The following USP6NL variants were observed in gnomAD, a reference collection of about 807,000 sequenced individuals.
The protein encoded by USP6NL is USP6 N-terminal like.
In USP6NL, 26 loss-of-function variants were observed where a neutral mutation model predicts 61.9. The ratio of observed to expected loss-of-function variants is 0.42; its 90% confidence interval spans 0.31 to 0.58. The LOEUF is 0.58. USP6NL is among the 20% of genes least tolerant of loss of function. The pLI is 0.16. For synonymous variants in USP6NL, 432 were observed against 390.1 expected, an observed-to-expected ratio of 1.11 and a Z score of -1.27; for missense variants, 1,114 against 1,034.3, an observed-to-expected ratio of 1.08 and a Z score of -1.06.
chr10:11,470,682 C>T lies in USP6NL; in HGVS notation c.1079-6833G>A, dbSNP rs1413245824. ...CTCTACTTGTCTTTGGTTTAAATATCTCCTTTCACCCCTAAGCAACTAACT... is the reference window on the plus strand; with the variant it reads ...CTCTACTTGTCTTTGGTTTAAATATTTCCTTTCACCCCTAAGCAACTAACT... On this transcript the variant is annotated intron_variant, in intron 14 of 14. Transcript: ENST00000609104. This position sits in a 1 kb window ranked among gnomAD's most constrained non-coding sequence, Gnocchi z 5.4. 6.6e-6 allele frequency among the ~76,000 whole-genome samples: 1 copy of T among 152,204 alleles called. No homozygotes were observed. Among genetic ancestry groups the T allele is most frequent in the Non-Finnish European group, 1.5e-5 (1 of 68,040 alleles).
At chr10:11,609,783 C>G (rs1434874234) in intron 1 of USP6NL, among the ~76,000 whole-genome samples, 1 of 152,212 alleles carries the variant, frequency 6.6e-6, no homozygotes, top group African/African-American at 2.4e-5. Context: ...GAGTAGTTCT[C>G]TTGGTTCCCT....
rs1180199670 is a variant in USP6NL, at chr10:11,540,203, G to C, written c.5-12636C>G. ...CATTACATGAAATTGTCAATTATTT[G>C]TGCAAAATGGAGATGAATGGTATTC... On this transcript the variant is annotated intron_variant, in intron 2 of 14. Transcript: ENST00000609104. This position sits in a 1 kb window ranked among gnomAD's most constrained non-coding sequence, Gnocchi z 5.0. Among the ~76,000 whole-genome samples, 1 of 152,120 alleles carries C rather than the reference G, an allele frequency of 6.6e-6. No individual in the cohort carries two copies. The highest frequency in any genetic ancestry group is 1.9e-4 in the East Asian group (1 of 5,202).
chr10:11,518,924 A>AC lies in USP6NL; in HGVS notation c.156-351dup, dbSNP rs1835085152. Among the ~76,000 whole-genome samples, 1 of 152,276 alleles carries AC rather than the reference A, an allele frequency of 6.6e-6. No homozygotes were observed. Among genetic ancestry groups the AC allele is most frequent in the Non-Finnish European group, 1.5e-5 (1 of 68,054 alleles). ...GCTAGAAGCCACCATATTGAACGGT[A>AC]CAGATATAGAACATTTCCATCACTG... is the stretch of plus-strand genomic sequence containing the variant. On this transcript the variant is annotated intron_variant, in intron 4 of 14. Transcript: ENST00000609104. This position sits in a 1 kb window ranked among gnomAD's most constrained non-coding sequence, Gnocchi z 5.3.
chr10:11,525,520 ATT>A lies in USP6NL; in HGVS notation c.73-54_73-53del. ...TAATCAGAGTTTATAAAACTGAATA[ATT>A]TTTTAAAATAAAAGGACGAAGAAAT... On this transcript the variant is annotated intron_variant, in intron 3 of 14. Transcript: ENST00000609104. This position sits in a 1 kb window ranked among gnomAD's most constrained non-coding sequence, Gnocchi z 5.0. 1 of 1,431,088 alleles carries A rather than the reference ATT, an allele frequency of 7.0e-7. No individual in the cohort carries two copies. Among genetic ancestry groups the A allele is most frequent in the Non-Finnish European group, 9.4e-7 (1 of 1,067,178 alleles). 88.6% of individuals were successfully genotyped at this position (1,431,088 alleles called of 1,614,324 possible).
chr10:11,555,433 A>AAAAAAAAAAT (rs1275798295), intron 2 of USP6NL, among the ~76,000 whole-genome samples: 9 of 49,020 alleles, frequency 1.8e-4, no homozygotes, highest in African/African-American at 5.6e-4. Flanking sequence ...AAAAAAAAAA[A>AAAAAAAAAAT]ATATATATAT....
chr10:11,555,116 T>G lies in USP6NL; in HGVS notation c.5-27549A>C, dbSNP rs1253093322. On this transcript the variant is annotated intron_variant, in intron 2 of 14. Transcript: ENST00000609104. ...TGTTTTTTTTTTTTTTTGGTTTTTT[T>G]TTTTAAGAATCCTATGAGGCCAGGT... Among the ~76,000 whole-genome samples the G allele has an allele frequency of 3.4e-5, 5 of 148,308 alleles. No individual in the cohort carries two copies. The East Asian group carries it at 6.1e-4, about 18-fold the overall frequency.
chr10:11,585,627 C>A lies in USP6NL; in HGVS notation c.4+12004G>T, dbSNP rs1399617761. Among the ~76,000 whole-genome samples, 1 of 152,078 alleles carries A rather than the reference C, an allele frequency of 6.6e-6. No homozygotes were observed. Among genetic ancestry groups the A allele is most frequent in the East Asian group, 1.9e-4 (1 of 5,192 alleles). Reference sequence around the variant, plus strand: ...CAGTGAGCCGTGATCAAGGACACTGCACTCCAGCCTGGGAAACAGAGTGAG... The same window carrying A: ...CAGTGAGCCGTGATCAAGGACACTGAACTCCAGCCTGGGAAACAGAGTGAG... On this transcript the variant is annotated intron_variant, in intron 2 of 14. Coordinates refer to ENST00000609104, the MANE Select transcript of USP6NL (RefSeq NM_014688.5). This position sits in a 1 kb window ranked among gnomAD's most constrained non-coding sequence, Gnocchi z 4.5.
chr10:11,508,874 T>C (rs539659385), intron 6 of USP6NL, among the ~76,000 whole-genome samples: 7 of 152,186 alleles, frequency 4.6e-5, no homozygotes, highest in Non-Finnish European at 1.0e-4. Flanking sequence ...ATCTCAAAAA[T>C]ATCTTAAATG....
At chr10:11,547,306 C>T (rs568169039) in intron 2 of USP6NL, among the ~76,000 whole-genome samples, 5 of 152,318 alleles carry the variant, frequency 3.3e-5, no homozygotes, top group South Asian at 2.1e-4. Flanking sequence ...TCAAACAACC[C>T]TATGGTGTAG....
In USP6NL at chr10:11,585,099, T is replaced by C. The variant is rs1837918292; in HGVS notation, c.4+12532A>G. 6.6e-6 allele frequency among the ~76,000 whole-genome samples: 1 copy of C among 152,190 alleles called. No homozygotes were observed. The highest frequency in any genetic ancestry group is 2.1e-4 in the South Asian group (1 of 4,820). On this transcript the variant is annotated intron_variant, in intron 2 of 14. Coordinates refer to ENST00000609104, the MANE Select transcript of USP6NL (RefSeq NM_014688.5). This position sits in a 1 kb window ranked among gnomAD's most constrained non-coding sequence, Gnocchi z 4.5. ...TTTGGGAGAAAAGACTGTTTTAGAA[T>C]GATATGATGCAAGAGAAAATGTAAA...
intron 2 of USP6NL, among the ~76,000 whole-genome samples, chr10:11,590,055 T>C (rs972391536): frequency 2.0e-5 from 3 of 152,230 alleles, no homozygotes; most frequent in African/African-American, 7.2e-5. Flanking sequence ...ACATTCATGA[T>C]ACAAACATAC....
chr10:11,605,848 A>C (rs112866536), intron 1 of USP6NL, among the ~76,000 whole-genome samples: 172 of 152,308 alleles, frequency 1.1e-3, no homozygotes, highest in Non-Finnish European at 1.6e-3. Context: ...GATGAAAACA[A>C]CACCACAAGA....
At position 11,478,256 on chromosome 10, in the gene USP6NL, C is replaced by T. The variant is rs2499922; in HGVS notation, c.1078+3514G>A. On this transcript the variant is annotated intron_variant, in intron 14 of 14. Transcript: ENST00000609104. The surrounding 1 kb of genome is among the most constrained non-coding windows in gnomAD (Gnocchi z 6.8). Reference sequence around the variant, plus strand: ...GCTCCAACGCCAGTGGCAGCAGCGACGTCCACACACCTGAGGCTGTGGAGA... The same window carrying T: ...GCTCCAACGCCAGTGGCAGCAGCGATGTCCACACACCTGAGGCTGTGGAGA... Among the ~76,000 whole-genome samples the T allele has an allele frequency of 6.5e-3, 989 of 152,290 alleles. 11 individuals carry two copies. The highest frequency in any genetic ancestry group is 0.022 in the African/African-American group (932 of 41,564).
intron 2 of USP6NL, among the ~76,000 whole-genome samples, chr10:11,590,855 G>A (rs1838139363): frequency 6.6e-6 from 1 of 152,110 alleles, no homozygotes; most frequent in Non-Finnish European, 1.5e-5. Context: ...ATCAGACTCT[G>A]AGCAACACAG....
intron 8 of USP6NL, 44 bp downstream of exon 8, chr10:11,493,075 T>C: frequency 2.0e-6 from 3 of 1,503,322 alleles, no homozygotes; most frequent in Non-Finnish European, 1.8e-6. Context: ...ATAAAGACTA[T>C]TTATAAATGC....
At chr10:11,556,821 T>G (rs181204860) in intron 2 of USP6NL, among the ~76,000 whole-genome samples, 2 of 152,314 alleles carry the variant, frequency 1.3e-5, no homozygotes, top group Admixed American at 1.3e-4. Flanking sequence ...AATGGAAGAT[T>G]GTAATACATA....
chr10:11,532,899 T>C lies in USP6NL; in HGVS notation c.5-5332A>G, dbSNP rs73569149. The stretch of plus-strand genomic sequence containing the variant: ...AAAACAAATGTCTCATGAAACAATA[T>C]GTACTACAAGTACTGTAAGATGGCA... On this transcript the variant is annotated intron_variant, in intron 2 of 14. Coordinates refer to ENST00000609104, the MANE Select transcript of USP6NL (RefSeq NM_014688.5). The surrounding 1 kb of genome is among the most constrained non-coding windows in gnomAD (Gnocchi z 4.1). 0.022 allele frequency among the ~76,000 whole-genome samples: 3,338 copies of C among 152,330 alleles called. 80 individuals carry two copies. Among genetic ancestry groups the C allele is most frequent in the African/African-American group, 0.06 (2,493 of 41,566 alleles).
intron 2 of USP6NL, chr10:11,563,951 T>C (rs895652754): frequency 6.6e-6 from 1 of 152,220 alleles, no homozygotes; most frequent in African/African-American, 2.4e-5. Context: ...ATAAGGGCTT[T>C]CTCACAATTA....
At position 11,478,990 on chromosome 10, in the gene USP6NL, C is replaced by CAA. The variant is rs1404992037; in HGVS notation, c.1078+2779_1078+2780insTT. 6.6e-6 allele frequency among the ~76,000 whole-genome samples: 1 copy of CAA among 151,248 alleles called. No homozygotes were observed. Among genetic ancestry groups the CAA allele is most frequent in the Non-Finnish European group, 1.5e-5 (1 of 67,672 alleles). Reference sequence around the variant, plus strand: ...TGTAATGTAATAAATGCCACTAATCCACATGACTAATGGTTTGGAAAATAA... The same window carrying CAA: ...TGTAATGTAATAAATGCCACTAATCCAAACATGACTAATGGTTTGGAAAATAA... On this transcript the variant is annotated intron_variant, in intron 14 of 14. Transcript: ENST00000609104. This position sits in a 1 kb window ranked among gnomAD's most constrained non-coding sequence, Gnocchi z 6.8.
Sources: gnomAD v4.1 joint callset for allele counts (sites outside exome capture counted in the v4.1 genomes callset) on GRCh38, gnomAD v4.1.1 for gene constraint, Gnocchi (gnomAD v3.1) non-coding constraint, MANE v1.5 for transcripts, NCBI Gene and HGNC (gene_info 2026-07-23, HGNC 2026-07-21) for gene names.